Variants in MYLK observed in about 807,000 individuals in gnomAD.
The protein encoded by MYLK is myosin light chain kinase, smooth muscle.
A neutral mutation model predicts 203.4 loss-of-function variants in MYLK; 106 were observed. The ratio of observed to expected loss-of-function variants is 0.52; its 90% confidence interval spans 0.45 to 0.61. The LOEUF (loss-of-function observed/expected upper bound fraction) is 0.61, where lower values mean the gene tolerates loss of function less well. MYLK is among the 20% of genes least tolerant of loss of function. MYLK has a pLI of 0.00. For synonymous variants in MYLK, 867 were observed against 959.5 expected (o/e 0.90, Z 1.78); for missense variants, 2,072 against 2,442.3 (o/e 0.85, Z 3.20).
chr3:123,708,946 C>A, intron 14 of MYLK, 51 bp from the exon 15 acceptor site: 1 of 1,519,088 alleles, frequency 6.6e-7, no homozygotes, highest in Non-Finnish European at 9.1e-7. Flanking sequence ...CCTCCCCGGC[C>A]ATGCAGCAAC....
At position 123,666,208 on chromosome 3, in the gene MYLK, C is replaced by T. The variant is rs752708019; in HGVS notation, c.3831+11G>A. On this transcript the variant is annotated intron_variant, in intron 22 of 33. Transcript: ENST00000360304. ...CAGCACCCCCAGTGCCCACCCCATA[C>T]CGTCACTGACCTGCTTTCGGAACTT... 1 of 1,614,130 alleles carries T rather than the reference C, an allele frequency of 6.2e-7. No individual in the cohort carries two copies. The highest frequency in any genetic ancestry group is 2.2e-5 in the East Asian group (1 of 44,900).
At chr3:123,647,187 C>T in intron 27 of MYLK, 37 bp downstream of exon 27, 7 of 1,604,904 alleles carry the variant, frequency 4.4e-6, no homozygotes, top group Non-Finnish European at 5.1e-6. Context: ...TTGGGGGCTC[C>T]CTGTGGTGCC....
rs45477891 is a variant in MYLK, at chr3:123,722,130, T to C, written c.1802A>G (p.His601Arg). The change falls in exon 13 of 34, where the codon CAT becomes CGT. Residue 601 changes from histidine to arginine, a missense_variant and splice_region_variant. Physicochemically the swap from His to Arg is conservative, Grantham distance 29. Coordinates refer to ENST00000360304, the MANE Select transcript of MYLK (RefSeq NM_053025.4). ...QVSCSAWVTV[H>R]EKKSSRKSEY... Reference sequence around the variant, plus strand: ...CCCAGGTGCCCAGAGGCTCCTACCATGGACGGTGACCCAGGCGCTGCAGGA... The same window carrying C: ...CCCAGGTGCCCAGAGGCTCCTACCACGGACGGTGACCCAGGCGCTGCAGGA... 15 of 1,565,272 alleles carry C rather than the reference T, an allele frequency of 9.6e-6. No individual in the cohort carries two copies. The highest frequency in any genetic ancestry group is 3.3e-4 in the Middle Eastern group (2 of 6,034).
intron 11 of MYLK, among the ~76,000 whole-genome samples, chr3:123,732,307 C>A (rs1662971347): frequency 6.6e-6 from 1 of 152,098 alleles, no homozygotes; most frequent in South Asian, 2.1e-4. Flanking sequence ...TATTATATGG[C>A]TACTAAAAGT....
chr3:123,733,924 C>T lies in MYLK; in HGVS notation c.1072G>A (p.Ala358Thr), dbSNP rs994582240. 6.2e-7 allele frequency: 1 copy of T among 1,614,218 alleles called. No homozygotes were observed. The change falls in exon 10 of 34, where the codon GCA becomes ACA. Residue 358 changes from alanine to threonine, a missense_variant. Physicochemically the swap from Ala to Thr is moderately conservative, Grantham distance 58. Transcript: ENST00000360304. ...QAARVQPEPR[A>T]PGLGVLSPSG... ...GGTGATAGGACCCCCAGGCCTGGTG[C>T]TCTTGGTTCCGGCTGAACTCTTGCG...
rs189070920 is a variant in MYLK, at chr3:123,640,665, G to T, written c.4620-161C>A. 2.0e-5 allele frequency among the ~76,000 whole-genome samples: 3 copies of T among 152,308 alleles called. No individual in the cohort carries two copies. Among genetic ancestry groups the T allele is most frequent in the African/African-American group, 7.2e-5 (3 of 41,574 alleles). On this transcript the variant is annotated intron_variant, in intron 27 of 33. Coordinates refer to ENST00000360304, the MANE Select transcript of MYLK (RefSeq NM_053025.4). The surrounding 1 kb of genome is among the most constrained non-coding windows in gnomAD (Gnocchi z 4.3). ...TGAATCCCCACCCTCCGACATGGGA[G>T]AAGGGTCAGGGCCTCCTGGTTTCCC...
At position 123,808,539 on chromosome 3, in the gene MYLK, A is replaced by G. The variant is rs200461951; in HGVS notation, c.-3-14695T>C. On this transcript the variant is annotated intron_variant, in intron 3 of 33. Transcript: ENST00000360304. ...TTTACAAATAAATAGGAGTTCAAAG[A>G]AATGCCAGGCTTTCTGCAAGCTGCT... 2.6e-5 allele frequency among the ~76,000 whole-genome samples: 4 copies of G among 152,314 alleles called. No individual in the cohort carries two copies. The East Asian group carries it at 7.7e-4, about 29-fold the overall frequency.
chr3:123,664,340 T>G, intron 22 of MYLK, 82 bp from the exon 23 acceptor site: 5 of 1,585,958 alleles, frequency 3.2e-6, no homozygotes, highest in Non-Finnish European at 4.3e-6. Flanking sequence ...CATTCCCTAC[T>G]TCCTGAAGGA....
chr3:123,686,813 T>C (rs979360157), intron 19 of MYLK, among the ~76,000 whole-genome samples: 4 of 152,356 alleles, frequency 2.6e-5, no homozygotes, highest in African/African-American at 9.6e-5. Flanking sequence ...GTACTTTGTA[T>C]GCTCAGATCA....
intron 23 of MYLK, among the ~76,000 whole-genome samples, chr3:123,663,477 CAGAG>C (rs1329801466): frequency 6.6e-6 from 1 of 152,032 alleles, no homozygotes; most frequent in Non-Finnish European, 1.5e-5. Context: ...TCACCCCTGT[CAGAG>C]AGAGAAGGTA....
intron 4 of MYLK, among the ~76,000 whole-genome samples, chr3:123,769,561 C>T (rs1014880336): frequency 1.3e-5 from 2 of 152,204 alleles, no homozygotes; most frequent in African/African-American, 4.8e-5. Context: ...CTTTATATCC[C>T]AGCCTGGGTG....
rs758327487 is a variant in MYLK, at chr3:123,725,937, A to G, written c.1651+7T>C. On this transcript the variant is annotated splice_region_variant and intron_variant, in intron 12 of 33. Coordinates refer to ENST00000360304, the MANE Select transcript of MYLK (RefSeq NM_053025.4). ...GGGAGCAGAGAGCTGGGGCAGGGGG[A>G]ACTCACCATTCAGCAGCCAAGTGAT... is the stretch of plus-strand genomic sequence containing the variant. 5.8e-5 allele frequency: 93 copies of G among 1,613,138 alleles called. No homozygotes were observed. The highest frequency in any genetic ancestry group is 3.5e-5 in the Non-Finnish European group (41 of 1,179,466).
intron 16 of MYLK, among the ~76,000 whole-genome samples, chr3:123,702,939 C>T (rs1252071067): frequency 6.6e-6 from 1 of 152,214 alleles, no homozygotes; most frequent in Non-Finnish European, 1.5e-5. Context: ...CTCTACCCTA[C>T]TGTGCTTATC....
At chr3:123,819,742 G>T (rs2065858073) in intron 3 of MYLK, among the ~76,000 whole-genome samples, 1 of 147,982 alleles carries the variant, frequency 6.8e-6, no homozygotes, top group African/African-American at 2.5e-5. Flanking sequence ...TCATCTTCTG[G>T]ATTGTAATTC....
At chr3:123,771,630 C>T (rs2063887344) in intron 4 of MYLK, among the ~76,000 whole-genome samples, 1 of 152,220 alleles carries the variant, frequency 6.6e-6, no homozygotes, top group Non-Finnish European at 1.5e-5. Flanking sequence ...TATGCATATA[C>T]AGATGCTCCT....
chr3:123,700,803 G>A lies in MYLK; in HGVS notation c.2665C>T (p.Gln889Ter). The change falls in exon 18 of 34, where the codon CAG (glutamine) becomes TAG (stop). Residue 889 changes from glutamine (Q) to a stop codon, truncating the protein, a stop_gained. Coordinates refer to ENST00000360304, the MANE Select transcript of MYLK (RefSeq NM_053025.4). LOFTEE classifies it high-confidence loss of function. ...AAGTCCAGCTGCTCCACCTCCTGCT[G>A]GCGGATCGCCTCCTCAGTGTGCTGC... ...TRQHTEEAIR[Q>*]QEVEQLDFRD... is the part of the protein sequence containing the mutation. 6.2e-7 allele frequency: 1 copy of A among 1,614,176 alleles called. No individual in the cohort carries two copies. Among genetic ancestry groups the A allele is most frequent in the Non-Finnish European group, 8.5e-7 (1 of 1,180,052 alleles).
rs139175938 is a variant in MYLK at position 123,729,221 on chromosome 3, C to A, written c.1517-3143G>T. Among the ~76,000 whole-genome samples, 418 of 152,206 alleles carry A rather than the reference C, an allele frequency of 2.7e-3. 4 individuals are homozygous for A. The highest frequency in any genetic ancestry group is 9.1e-3 in the African/African-American group (377 of 41,536). On this transcript the variant is annotated intron_variant, in intron 11 of 33. Coordinates refer to ENST00000360304, the MANE Select transcript of MYLK (RefSeq NM_053025.4). ...TGCTGGCCGGAGCACTGAAGATGGG[C>A]GTAACACACACACAGAGCCCCTTGG...
chr3:123,825,164 A>T (rs1031010848), intron 3 of MYLK, among the ~76,000 whole-genome samples: 3 of 152,134 alleles, frequency 2.0e-5, no homozygotes, highest in Non-Finnish European at 4.4e-5. Context: ...AAAAAGAAAA[A>T]AAAAGTCATA....
chr3:123,755,589 C>T (rs1197536338), intron 4 of MYLK, among the ~76,000 whole-genome samples: 1 of 152,112 alleles, frequency 6.6e-6, no homozygotes, highest in Non-Finnish European at 1.5e-5. Flanking sequence ...TACTTGCCCT[C>T]CCAATATGGA....
Sources: allele counts gnomAD v4.1 joint callset (sites outside exome capture counted in the v4.1 genomes callset), GRCh38; gene constraint gnomAD v4.1.1; non-coding constraint Gnocchi (gnomAD v3.1); transcripts MANE v1.5; gene names NCBI Gene and HGNC (gene_info 2026-07-23, HGNC 2026-07-21).